Variants in CYP2U1 observed in about 807,000 individuals in gnomAD.
CYP2U1 encodes cytochrome P450 family 2 subfamily U member 1.
CYP2U1 carries 28 observed loss-of-function variants against 42.8 expected under a neutral mutation model. The observed-to-expected ratio is 0.65, with a 90% CI of 0.48 to 0.90. CYP2U1 has a LOEUF of 0.90. CYP2U1 is among the 40% of genes least tolerant of loss of function. The probability of loss-of-function intolerance (pLI) is 0.00; values close to 1 mark genes in which losing one functional copy is unlikely to be tolerated. For missense variants in CYP2U1, 642 were observed against 693.8 expected, an observed-to-expected ratio of 0.93 and a Z score of 0.84; for synonymous variants, 296 against 278.9, an observed-to-expected ratio of 1.06 and a Z score of -0.61.
rs1295789903 is a variant in CYP2U1 at position 107,951,405 on chromosome 4, G to A, written c.*982G>A. Reference sequence around the variant, plus strand: ...ACCAGGCCCAATGCATCTGATCCTTGAATATACTCTCAAAGAATTCACTCT... The same window carrying A: ...ACCAGGCCCAATGCATCTGATCCTTAAATATACTCTCAAAGAATTCACTCT... On this transcript the variant is annotated 3_prime_UTR_variant, in exon 5 of 5. Coordinates refer to ENST00000332884, the MANE Select transcript of CYP2U1 (RefSeq NM_183075.3). 2 of 152,164 alleles carry A rather than the reference G, an allele frequency of 1.3e-5. No homozygotes were observed. The highest frequency in any genetic ancestry group is 4.8e-5 in the African/African-American group (2 of 41,436). The allele number at this position is 152,164 out of a possible 1,614,324, so 9.4% of individuals were successfully genotyped here. A position where few individuals can be genotyped will look rare whatever the true frequency, so the allele number is the denominator to read the frequency against.
chr4:107,931,585 G>A lies in CYP2U1; in HGVS notation c.-59G>A, dbSNP rs1732966315. The A allele has an allele frequency of 3.3e-6, 4 of 1,226,176 alleles. No homozygotes were observed. Among genetic ancestry groups the A allele is most frequent in the East Asian group, 3.2e-5 (1 of 30,862 alleles). 76.0% of individuals were successfully genotyped at this position (1,226,176 alleles called of 1,614,324 possible). A position where few individuals can be genotyped will look rare whatever the true frequency, so the allele number is the denominator to read the frequency against. On this transcript the variant is annotated 5_prime_UTR_variant, in exon 1 of 5. Transcript: ENST00000332884. ...GGACACTGGCGCCGCGGGTCAGGCA[G>A]CTGCGTGCGCGTCTCCTCCAGGCAG...
rs946086638 is a variant in CYP2U1 at position 107,952,267 on chromosome 4, T to C, written c.*1844T>C. On this transcript the variant is annotated 3_prime_UTR_variant, in exon 5 of 5. Transcript: ENST00000332884. ...GTTAATGTCCATTAAAGCCAGTTTT[T>C]AAAAAAATCACTGGACTTTTGTGTT... 1 of 152,228 alleles carries C rather than the reference T, an allele frequency of 6.6e-6. No homozygotes were observed. The highest frequency in any genetic ancestry group is 1.5e-5 in the Non-Finnish European group (1 of 68,034). 9.4% of individuals were successfully genotyped at this position (152,228 alleles called of 1,614,324 possible). A position where few individuals can be genotyped will look rare whatever the true frequency, so the allele number is the denominator to read the frequency against.
rs1733912569 is a variant in CYP2U1 at position 107,951,649 on chromosome 4, A to G, written c.*1226A>G. 6.6e-6 allele frequency: 1 copy of G among 152,334 alleles called. No homozygotes were observed. Among genetic ancestry groups the G allele is most frequent in the Admixed American group, 6.5e-5 (1 of 15,282 alleles). The allele number at this position is 152,334 out of a possible 1,614,324, so 9.4% of individuals were successfully genotyped here. A position where few individuals can be genotyped will look rare whatever the true frequency, so the allele number is the denominator to read the frequency against. ...ATACAGTGAAGAATTGTCCTGCTCAAGATGCCAGGATTTCCCCCAGTGAGA... is the reference window on the plus strand; with the variant it reads ...ATACAGTGAAGAATTGTCCTGCTCAGGATGCCAGGATTTCCCCCAGTGAGA... On this transcript the variant is annotated 3_prime_UTR_variant, in exon 5 of 5. Coordinates refer to ENST00000332884, the MANE Select transcript of CYP2U1 (RefSeq NM_183075.3).
At chr4:107,937,456 G>C (rs1733313257) in intron 1 of CYP2U1, 1 of 151,948 alleles carries the variant, frequency 6.6e-6, no homozygotes. Flanking sequence ...TAAAGACTGA[G>C]ATCGTATTGA....
chr4:107,932,122 C>G lies in CYP2U1; in HGVS notation c.479C>G (p.Thr160Ser). The G allele has an allele frequency of 6.2e-7, 1 of 1,604,322 alleles. No individual in the cohort carries two copies. The highest frequency in any genetic ancestry group is 1.1e-5 in the South Asian group (1 of 89,266). Residue 160 changes from threonine to serine, a missense_variant, in exon 1 of 5, where the codon ACC (threonine) becomes AGC (serine). Thr to Ser is a moderately conservative substitution (Grantham distance 58). Coordinates refer to ENST00000332884, the MANE Select transcript of CYP2U1 (RefSeq NM_183075.3). Reference sequence around the variant, plus strand: ...CGGGTGCCGCTCATCTCCATCGTGACCAAGGAGAAGGGTGAGCGGGAGGTC... The same window carrying G: ...CGGGTGCCGCTCATCTCCATCGTGAGCAAGGAGAAGGGTGAGCGGGAGGTC... ...RPRVPLISIV[T>S]KEKGVVFAHY...
chr4:107,948,094 C>T (rs1212614088), intron 3 of CYP2U1, among the ~76,000 whole-genome samples: 2 of 151,724 alleles, frequency 1.3e-5, no homozygotes, highest in African/African-American at 4.8e-5. Context: ...ATGGTGAAAC[C>T]CCATCCCTAC....
Position 107,931,635 on chromosome 4 carries a change from G to C in CYP2U1, c.-9G>C, listed in dbSNP as rs1347433573. 2 of 1,255,438 alleles carry C rather than the reference G, an allele frequency of 1.6e-6. No homozygotes were observed. The highest frequency in any genetic ancestry group is 2.0e-6 in the Non-Finnish European group (2 of 1,003,874). 77.8% of individuals were successfully genotyped at this position (1,255,438 alleles called of 1,614,324 possible). On this transcript the variant is annotated 5_prime_UTR_variant, in exon 1 of 5. Coordinates refer to ENST00000332884, the MANE Select transcript of CYP2U1 (RefSeq NM_183075.3). ...GCAAGGGGAACCCGAGGCCGCCGGCGCCCGGACCATGTCGTCTCCGGGGCC... is the reference window on the plus strand; with the variant it reads ...GCAAGGGGAACCCGAGGCCGCCGGCCCCCGGACCATGTCGTCTCCGGGGCC...
intron 3 of CYP2U1, among the ~76,000 whole-genome samples, chr4:107,948,536 C>G (rs1045156662): frequency 4.6e-5 from 7 of 152,066 alleles, no homozygotes; most frequent in Admixed American, 4.6e-4. Flanking sequence ...CACTGCACTT[C>G]TGCACTTCAG....
rs1321982615 is a variant in CYP2U1, at chr4:107,953,048, G to A, written c.*2625G>A. On this transcript the variant is annotated 3_prime_UTR_variant, in exon 5 of 5. Transcript: ENST00000332884. ...CAGTGTGGATTACACTGTACCTTGGGCGGGAGAGTTTGTTCTTGATATGGA... is the reference window on the plus strand; with the variant it reads ...CAGTGTGGATTACACTGTACCTTGGACGGGAGAGTTTGTTCTTGATATGGA... The A allele has an allele frequency of 6.6e-6, 1 of 152,164 alleles. No individual in the cohort carries two copies. Among genetic ancestry groups the A allele is most frequent in the African/African-American group, 2.4e-5 (1 of 41,432 alleles). The allele number at this position is 152,164 out of a possible 1,614,324, so 9.4% of individuals were successfully genotyped here.
Position 107,950,401 on chromosome 4 carries a change from A to G in CYP2U1, c.1613A>G (p.Asn538Ser). 6.2e-7 allele frequency: 1 copy of G among 1,609,656 alleles called. No individual in the cohort carries two copies. Among genetic ancestry groups the G allele is most frequent in the Non-Finnish European group, 8.5e-7 (1 of 1,178,990 alleles). The stretch of plus-strand genomic sequence containing the variant: ...CTAACTTTAGCCCCACATCCATTTA[A>G]TATAACTATTTCAAGGAGATGAAGA... Reference protein sequence around the residue: ...FGLTLAPHPFNITISRR With the variant: ...FGLTLAPHPFSITISRR Residue 538 changes from asparagine (N) to serine (S), a missense_variant, in exon 5 of 5, where the codon AAT (asparagine) becomes AGT (serine). Coordinates refer to ENST00000332884, the MANE Select transcript of CYP2U1 (RefSeq NM_183075.3).
In CYP2U1 at chr4:107,931,770, G is replaced by T. The variant is rs1031064765; in HGVS notation, c.127G>T (p.Val43Leu). Residue 43 changes from valine (V) to leucine (L), a missense_variant, in exon 1 of 5, where the codon GTA becomes TTA. Coordinates refer to ENST00000332884, the MANE Select transcript of CYP2U1 (RefSeq NM_183075.3). ...GGGCGCGCTGCTGCTATGCGGCCTC[G>T]TAGCGCTGCTGGGCTGGAGCTGGCT... ...SGGALLLCGLVALLGWSWLRR... is the reference protein window; with the variant it reads ...SGGALLLCGLLALLGWSWLRR... 8.7e-6 allele frequency: 13 copies of T among 1,486,916 alleles called. No homozygotes were observed. In the African/African-American group the frequency reaches 1.4e-4, roughly 16 times the overall value. The allele number at this position is 1,486,916 out of a possible 1,614,324, so 92.1% of individuals were successfully genotyped here. A position where few individuals can be genotyped will look rare whatever the true frequency, so the allele number is the denominator to read the frequency against.
At chr4:107,948,826 G>GT (rs756200748) in intron 3 of CYP2U1, among the ~76,000 whole-genome samples, 102 of 151,712 alleles carry the variant, frequency 6.7e-4, no homozygotes, top group South Asian at 1.0e-3. Flanking sequence ...CACTTAACGG[G>GT]TTTTTTTTGG....
At chr4:107,949,117 A>G (rs1317475146) in intron 3 of CYP2U1, among the ~76,000 whole-genome samples, 1 of 152,114 alleles carries the variant, frequency 6.6e-6, no homozygotes, top group Admixed American at 6.6e-5. Flanking sequence ...TTATTAATTC[A>G]GCATTCATTG....
rs373823906 is a variant in CYP2U1 at position 107,945,595 on chromosome 4, C to T, written c.1116C>T (p.Pro372=). 28 of 1,574,594 alleles carry T rather than the reference C, an allele frequency of 1.8e-5. No homozygotes were observed. Among genetic ancestry groups the T allele is most frequent in the African/African-American group, 1.8e-4 (13 of 73,404 alleles). Residue 372 remains proline, a synonymous_variant, in exon 2 of 5, where the codon CCC becomes CCT. Transcript: ENST00000332884. ...GCCTGCTGTATATGTCGCTGAACCC[C>T]GATGTACAAGGTAATTAATAGGTGT... is the stretch of plus-strand genomic sequence containing the variant. ...LWCLLYMSLN[P]DVQEKVHEEI... is the part of the protein sequence containing the mutation.
At chr4:107,945,750 A>G (rs911305011) in intron 2 of CYP2U1, 145 bp downstream of exon 2, 1 of 1,106,112 alleles carries the variant, frequency 9.0e-7, no homozygotes, top group African/African-American at 1.6e-5. Flanking sequence ...GGAGTTGGTA[A>G]GATGTTAACA....
intron 3 of CYP2U1, among the ~76,000 whole-genome samples, chr4:107,947,740 T>G (rs945376000): frequency 1.1e-4 from 16 of 152,248 alleles, no homozygotes; most frequent in African/African-American, 3.9e-4. Context: ...CTACTACTGC[T>G]TAGTTTTACT....
rs1297009592 is a variant in CYP2U1, at chr4:107,951,430, T to G, written c.*1007T>G. 2 of 152,220 alleles carry G rather than the reference T, an allele frequency of 1.3e-5. No individual in the cohort carries two copies. The highest frequency in any genetic ancestry group is 2.9e-5 in the Non-Finnish European group (2 of 68,048). 9.4% of individuals were successfully genotyped at this position (152,220 alleles called of 1,614,324 possible). A position where few individuals can be genotyped will look rare whatever the true frequency, so the allele number is the denominator to read the frequency against. On this transcript the variant is annotated 3_prime_UTR_variant, in exon 5 of 5. Coordinates refer to ENST00000332884, the MANE Select transcript of CYP2U1 (RefSeq NM_183075.3). ...GAATATACTCTCAAAGAATTCACTC[T>G]CTTTTTATTAAGAGAACTAAATTGT...
chr4:107,952,342 G>A lies in CYP2U1; in HGVS notation c.*1919G>A, dbSNP rs1405671434. On this transcript the variant is annotated 3_prime_UTR_variant, in exon 5 of 5. Transcript: ENST00000332884. The stretch of plus-strand genomic sequence containing the variant: ...ACAAACTTAGAACGATGCCTTAGCT[G>A]TTTATAGGTAACAGAATGTAAACTC... 1.3e-5 allele frequency: 2 copies of A among 152,288 alleles called. No homozygotes were observed. Among genetic ancestry groups the A allele is most frequent in the South Asian group, 2.1e-4 (1 of 4,826 alleles). The allele number at this position is 152,288 out of a possible 1,614,324, so 9.4% of individuals were successfully genotyped here.
At position 107,945,046 on chromosome 4, in the gene CYP2U1, G is replaced by T; in HGVS notation, c.567G>T (p.Gly189=). The change falls in exon 2 of 5, where the codon GGG becomes GGT. Residue 189 remains glycine (G), a synonymous_variant. Coordinates refer to ENST00000332884, the MANE Select transcript of CYP2U1 (RefSeq NM_183075.3). ...CTCATTCAACTCTTCGTCATTTTGGGTTGGGAAAACTTAGCTTGGAGCCCA... is the reference window on the plus strand; with the variant it reads ...CTCATTCAACTCTTCGTCATTTTGGTTTGGGAAAACTTAGCTTGGAGCCCA... The part of the protein sequence containing the change: ...KFSHSTLRHF[G]LGKLSLEPKI... The T allele has an allele frequency of 6.2e-7, 1 of 1,613,464 alleles. No homozygotes were observed. The highest frequency in any genetic ancestry group is 8.5e-7 in the Non-Finnish European group (1 of 1,179,914).
Sources: gnomAD v4.1 joint callset for allele counts (sites outside exome capture counted in the v4.1 genomes callset) on GRCh38, gnomAD v4.1.1 for gene constraint, MANE v1.5 for transcripts, NCBI Gene and HGNC (gene_info 2026-07-23, HGNC 2026-07-21) for gene names.